The following FSTL5 variants were observed in gnomAD, a reference collection of about 807,000 sequenced individuals.
FSTL5 encodes the protein follistatin like 5.
Under a neutral mutation model 89.1 loss-of-function variants are expected in FSTL5, and 62 were observed. The observed-to-expected ratio is 0.70, with a 90% CI of 0.57 to 0.86. FSTL5 has a LOEUF of 0.86. Ranked by LOEUF, FSTL5 falls within the 40% of genes least tolerant of loss-of-function variation. The probability of loss-of-function intolerance (pLI) is 0.00; values close to 1 mark genes in which losing one functional copy is unlikely to be tolerated. For missense variants in FSTL5, 1,057 were observed against 1,001.6 expected, an observed-to-expected ratio of 1.06 and a Z score of -0.75; for synonymous variants, 383 against 346.2, an observed-to-expected ratio of 1.11 and a Z score of -1.18.
intron 3 of FSTL5, among the ~76,000 whole-genome samples, chr4:161,975,438 T>C (rs779663097): frequency 3.3e-5 from 5 of 151,208 alleles, no homozygotes; most frequent in Non-Finnish European, 5.9e-5. Flanking sequence ...AAATGATGAG[T>C]TCATGTCCTT....
At chr4:161,810,731 A>T (rs890260418) in intron 4 of FSTL5, among the ~76,000 whole-genome samples, 1 of 152,218 alleles carries the variant, frequency 6.6e-6, no homozygotes, top group Non-Finnish European at 1.5e-5. Context: ...AATTAACTAT[A>T]ATAATGTTAA....
At chr4:161,873,031 A>G (rs1304427343) in intron 4 of FSTL5, among the ~76,000 whole-genome samples, 1 of 152,168 alleles carries the variant, frequency 6.6e-6, no homozygotes, top group Non-Finnish European at 1.5e-5. Flanking sequence ...ACTATAGAAA[A>G]AAGTTGGGGC....
intron 4 of FSTL5, among the ~76,000 whole-genome samples, chr4:161,790,365 G>A (rs1729422024): frequency 6.6e-6 from 1 of 152,158 alleles, no homozygotes; most frequent in African/African-American, 2.4e-5. Flanking sequence ...AAAGAAGAAA[G>A]CATTGCTACC....
At chr4:161,865,142 A>G (rs1234476109) in intron 4 of FSTL5, among the ~76,000 whole-genome samples, 1 of 152,104 alleles carries the variant, frequency 6.6e-6, no homozygotes, top group Non-Finnish European at 1.5e-5. Context: ...CCTGGAGGGC[A>G]CTTGTATGTA....
chr4:162,004,064 A>C (rs557895388), intron 3 of FSTL5, among the ~76,000 whole-genome samples: 4 of 152,206 alleles, frequency 2.6e-5, no homozygotes, highest in Non-Finnish European at 5.9e-5. Flanking sequence ...CAGGTTAAGC[A>C]ACCTCTCCAT....
intron 12 of FSTL5, among the ~76,000 whole-genome samples, chr4:161,491,067 TATC>T (rs1429757963): frequency 1.3e-5 from 2 of 151,834 alleles, no homozygotes; most frequent in Non-Finnish European, 2.9e-5. Flanking sequence ...ATATATTTAT[TATC>T]ATATTTTATA....
chr4:162,154,199 G>A (rs984605978), intron 1 of FSTL5, among the ~76,000 whole-genome samples: 2 of 151,946 alleles, frequency 1.3e-5, no homozygotes, highest in Admixed American at 1.3e-4. Flanking sequence ...TCTTTATTTA[G>A]CTTTTGTCAA....
chr4:161,758,357 A>G (rs996487193), intron 6 of FSTL5, among the ~76,000 whole-genome samples: 1 of 152,118 alleles, frequency 6.6e-6, no homozygotes, highest in African/African-American at 2.4e-5. Context: ...TTTTGGTTTC[A>G]AGTTCTGAAT....
intron 4 of FSTL5, among the ~76,000 whole-genome samples, chr4:161,914,522 T>C (rs1324046485): frequency 1.3e-5 from 2 of 152,144 alleles, no homozygotes; most frequent in African/African-American, 4.8e-5. Flanking sequence ...TCATAAAAGA[T>C]AAACAAAATT....
chr4:161,532,020 T>C (rs982038595), intron 10 of FSTL5, among the ~76,000 whole-genome samples: 2 of 151,974 alleles, frequency 1.3e-5, no homozygotes, highest in South Asian at 2.1e-4. Context: ...CTGGTTAACA[T>C]GGTGAAACCC....
intron 3 of FSTL5, among the ~76,000 whole-genome samples, chr4:161,999,986 G>A (rs963911462): frequency 1.3e-5 from 2 of 152,134 alleles, no homozygotes; most frequent in Non-Finnish European, 2.9e-5. Flanking sequence ...TATAAGGTCA[G>A]CCTGTACTAA....
At chr4:162,155,279 A>G (rs1733423501) in intron 1 of FSTL5, among the ~76,000 whole-genome samples, 1 of 152,234 alleles carries the variant, frequency 6.6e-6, no homozygotes. Context: ...GGTCAGAAGC[A>G]GAAGCAGTCA....
intron 2 of FSTL5, among the ~76,000 whole-genome samples, chr4:162,050,494 T>C (rs1318738980): frequency 6.7e-6 from 1 of 150,156 alleles, no homozygotes; most frequent in Non-Finnish European, 1.5e-5. Flanking sequence ...TATTTCTATT[T>C]AAATAATTTA....
intron 7 of FSTL5, among the ~76,000 whole-genome samples, chr4:161,650,189 TACAA>T: frequency 6.6e-6 from 1 of 152,158 alleles, no homozygotes; most frequent in South Asian, 2.1e-4. Context: ...AATAGAAATG[TACAA>T]ACATAATAGA....
intron 6 of FSTL5, among the ~76,000 whole-genome samples, chr4:161,750,036 C>A (rs58764576): frequency 0.069 from 10,516 of 152,006 alleles, 630 homozygotes; most frequent in African/African-American, 0.16. Context: ...GTAACTCTTT[C>A]TAAAGTAAAT....
At chr4:161,770,357 T>C (rs1284037067) in intron 5 of FSTL5, among the ~76,000 whole-genome samples, 3 of 152,004 alleles carry the variant, frequency 2.0e-5, no homozygotes, top group African/African-American at 7.2e-5. Context: ...TTTAATTGAA[T>C]TGCTTGTAGC....
chr4:161,752,637 T>C (rs1221682982), intron 6 of FSTL5, among the ~76,000 whole-genome samples: 2 of 152,178 alleles, frequency 1.3e-5, no homozygotes, highest in African/African-American at 4.8e-5. Flanking sequence ...TCATCAATTC[T>C]TCCTTAGTAA....
intron 6 of FSTL5, among the ~76,000 whole-genome samples, chr4:161,752,402 T>A (rs574905647): frequency 5.3e-5 from 8 of 152,330 alleles, no homozygotes; most frequent in African/African-American, 1.9e-4. Context: ...TTTATCTAAA[T>A]ATATTCATAC....
At chr4:162,106,800 A>G (rs1207846715) in intron 2 of FSTL5, among the ~76,000 whole-genome samples, 8 of 152,178 alleles carry the variant, frequency 5.3e-5, no homozygotes, top group Admixed American at 5.2e-4. Context: ...TACAAAATGA[A>G]GTGATTTAAA....
Sources: gnomAD v4.1 joint callset for allele counts (sites outside exome capture counted in the v4.1 genomes callset) on GRCh38, gnomAD v4.1.1 for gene constraint, MANE v1.5 for transcripts, NCBI Gene and HGNC (gene_info 2026-07-23, HGNC 2026-07-21) for gene names.